Variants in MMP16 observed in about 807,000 individuals in gnomAD.
MMP16 encodes matrix metallopeptidase 16, also known as matrix metalloproteinase-16.
A neutral mutation model predicts 67.8 loss-of-function variants in MMP16; 12 were observed. The ratio of observed to expected loss-of-function variants is 0.18; its 90% confidence interval spans 0.11 to 0.29. The LOEUF (loss-of-function observed/expected upper bound fraction) is 0.29, where lower values mean the gene tolerates loss of function less well. Ranked by LOEUF, MMP16 falls within the 10% of genes least tolerant of loss-of-function variation. The pLI, the probability that MMP16 is intolerant of heterozygous loss-of-function variation, is 1.00. For synonymous variants in MMP16, 249 were observed against 255.9 expected (o/e 0.97, Z 0.26); for missense variants, 475 against 765.7 (o/e 0.62, Z 4.48).
intron 4 of MMP16, among the ~76,000 whole-genome samples, chr8:88,135,300 A>T (rs1808100274): frequency 1.3e-5 from 2 of 151,892 alleles, no homozygotes; most frequent in Non-Finnish European, 2.9e-5. Context: ...TCCTTTCAAT[A>T]GCCATATGCT....
chr8:88,277,735 T>C (rs1810669648), intron 1 of MMP16, among the ~76,000 whole-genome samples: 1 of 152,216 alleles, frequency 6.6e-6, no homozygotes, highest in Non-Finnish European at 1.5e-5. Context: ...CTACTAAGCC[T>C]GCACTGTGTG....
chr8:88,288,920 C>G (rs983172469), intron 1 of MMP16, among the ~76,000 whole-genome samples: 4 of 152,166 alleles, frequency 2.6e-5, no homozygotes, highest in Non-Finnish European at 5.9e-5. Context: ...AACAAAAAAG[C>G]AGCAAGACAA....
chr8:88,280,263 T>C (rs1021780342), intron 1 of MMP16, among the ~76,000 whole-genome samples: 1 of 152,214 alleles, frequency 6.6e-6, no homozygotes, highest in African/African-American at 2.4e-5. Flanking sequence ...CACTTACTTC[T>C]TGCAAGCTTT....
At chr8:88,092,388 C>A (rs567440482) in intron 6 of MMP16, among the ~76,000 whole-genome samples, 2 of 151,854 alleles carry the variant, frequency 1.3e-5, no homozygotes, top group Non-Finnish European at 2.9e-5. Context: ...AAAGATCCTT[C>A]GGAAACTACA....
Position 88,116,595 on chromosome 8 carries a change from C to A in MMP16, c.995G>T (p.Arg332Ile). 1 of 1,613,756 alleles carries A rather than the reference C, an allele frequency of 6.2e-7. No homozygotes were observed. The highest frequency in any genetic ancestry group is 8.5e-7 in the Non-Finnish European group (1 of 1,179,872). Residue 332 changes from arginine (R) to isoleucine (I), a missense_variant, in exon 6 of 10, where the codon AGA (arginine) becomes ATA (isoleucine). Physicochemically the swap from Arg to Ile is moderately conservative, Grantham distance 97. Coordinates refer to ENST00000286614, the MANE Select transcript of MMP16 (RefSeq NM_005941.5). ...GGGTTTGGCTCCGGGATAGGAGGGT[C>A]TGCCGGTTGGAGGCCGAGGAGGTTT... ...RPKPPRPPTGRPSYPGAKPNI... is the reference protein window; with the variant it reads ...RPKPPRPPTGIPSYPGAKPNI...
At chr8:88,313,990 C>T (rs1271508159) in intron 1 of MMP16, among the ~76,000 whole-genome samples, 4 of 152,146 alleles carry the variant, frequency 2.6e-5, no homozygotes, top group East Asian at 3.9e-4. Context: ...TCCCATACCA[C>T]GTGAAAATTC....
chr8:88,210,678 C>A (rs186699076), intron 1 of MMP16, among the ~76,000 whole-genome samples: 20 of 152,206 alleles, frequency 1.3e-4, no homozygotes, highest in Admixed American at 7.9e-4. Context: ...AAATATACAG[C>A]AAGGTACAAT....
At chr8:88,147,380 C>A (rs1198996206) in intron 4 of MMP16, among the ~76,000 whole-genome samples, 3 of 151,864 alleles carry the variant, frequency 2.0e-5, no homozygotes, top group Non-Finnish European at 2.9e-5. Flanking sequence ...ATAAACTTTT[C>A]TTTTTAGTTA....
intron 3 of MMP16, among the ~76,000 whole-genome samples, chr8:88,184,271 G>T (rs2129747259): frequency 6.6e-6 from 1 of 151,914 alleles, no homozygotes; most frequent in Middle Eastern, 3.4e-3. Flanking sequence ...TCTTTCTTTT[G>T]TTTCAGCTCA....
At chr8:88,229,674 T>A (rs1032463912) in intron 1 of MMP16, among the ~76,000 whole-genome samples, 1 of 151,572 alleles carries the variant, frequency 6.6e-6, no homozygotes, top group African/African-American at 2.4e-5. Context: ...GCCACAGCTA[T>A]GACTTAATCA....
intron 4 of MMP16, among the ~76,000 whole-genome samples, chr8:88,133,328 G>GT (rs28907610): frequency 0.36 from 54,304 of 151,510 alleles, 9,934 homozygotes; most frequent in East Asian, 0.48. Context: ...TTGAAATGAA[G>GT]TGTTTATGCT....
At chr8:88,192,626 C>A (rs2129770236) in intron 2 of MMP16, among the ~76,000 whole-genome samples, 1 of 152,082 alleles carries the variant, frequency 6.6e-6, no homozygotes, top group South Asian at 2.1e-4. Context: ...TATATCCAAA[C>A]TGAAAAAGAA....
rs145895958 is a variant in MMP16, at chr8:88,314,799, T to C, written c.132+12276A>G. On this transcript the variant is annotated intron_variant, in intron 1 of 9. Transcript: ENST00000286614. ...AGGAAGACACAGATCAGTTCTCAAC[T>C]GCATACTCAAGGGGAACCCTGGGCA... Among the ~76,000 whole-genome samples, 5 of 152,320 alleles carry C rather than the reference T, an allele frequency of 3.3e-5. No individual in the cohort carries two copies. In the South Asian group the frequency reaches 6.2e-4, roughly 19 times the overall value.
At chr8:88,151,526 G>C (rs1378528546) in intron 4 of MMP16, among the ~76,000 whole-genome samples, 5 of 146,032 alleles carry the variant, frequency 3.4e-5, no homozygotes, top group Non-Finnish European at 6.0e-5. Flanking sequence ...TCAGACCACA[G>C]TGCAATCAAA....
At chr8:88,065,637 A>G (rs576022657) in intron 7 of MMP16, among the ~76,000 whole-genome samples, 2 of 152,254 alleles carry the variant, frequency 1.3e-5, no homozygotes, top group Middle Eastern at 6.8e-3. Flanking sequence ...TCCTATAAAG[A>G]AATAAATAAT....
intron 1 of MMP16, among the ~76,000 whole-genome samples, chr8:88,313,895 C>T (rs1811337238): frequency 6.6e-6 from 1 of 152,132 alleles, no homozygotes; most frequent in Non-Finnish European, 1.5e-5. Flanking sequence ...ATAGAACCAT[C>T]AGATCTCATG....
At chr8:88,227,981 A>G (rs1809796983) in intron 1 of MMP16, among the ~76,000 whole-genome samples, 1 of 152,118 alleles carries the variant, frequency 6.6e-6, no homozygotes, top group Non-Finnish European at 1.5e-5. Flanking sequence ...ATTGGCAATG[A>G]CTATGTACAG....
At chr8:88,050,237 C>T (rs1480992367) in intron 8 of MMP16, among the ~76,000 whole-genome samples, 5 of 152,132 alleles carry the variant, frequency 3.3e-5, no homozygotes, top group South Asian at 4.2e-4. Context: ...GCAGGAGAAT[C>T]GCTTGAACCC....
chr8:88,247,676 G>A (rs1379804816), intron 1 of MMP16, among the ~76,000 whole-genome samples: 2 of 152,078 alleles, frequency 1.3e-5, no homozygotes, highest in Admixed American at 1.3e-4. Flanking sequence ...ACAATTTTAG[G>A]TGGAGCAGTC....
Sources: gnomAD v4.1 joint callset for allele counts (sites outside exome capture counted in the v4.1 genomes callset) on GRCh38, gnomAD v4.1.1 for gene constraint, MANE v1.5 for transcripts, NCBI Gene and HGNC (gene_info 2026-07-23, HGNC 2026-07-21) for gene names.